Variants in GLDC observed in about 807,000 individuals in gnomAD.
GLDC encodes glycine dehydrogenase (decarboxylating), mitochondrial.
Under a neutral mutation model 121.3 loss-of-function variants are expected in GLDC, and 104 were observed. The ratio of observed to expected loss-of-function variants is 0.86; its 90% CI spans 0.73 to 1.01. GLDC has a LOEUF of 1.01. Ranked by LOEUF, GLDC falls within the 50% of genes least tolerant of loss-of-function variation. The pLI is 0.00. For synonymous variants in GLDC, 546 were observed against 480.6 expected (o/e 1.14, Z -1.78); for missense variants, 1,429 against 1,306.6 (o/e 1.09, Z -1.44).
intron 15 of GLDC, among the ~76,000 whole-genome samples, chr9:6,574,354 C>G (rs564042251): frequency 6.6e-5 from 10 of 151,864 alleles, no homozygotes; most frequent in Admixed American, 5.3e-4. Flanking sequence ...GTAATTCCAG[C>G]TACTTGGGAG....
chr9:6,533,310 T>G, intron 24 of GLDC, 150 bp from the exon 25 acceptor site: 4 of 774,566 alleles, frequency 5.2e-6, no homozygotes, highest in Non-Finnish European at 9.3e-6. Context: ...CATTACCATT[T>G]AAAAAAAAGA....
intron 7 of GLDC, 67 bp downstream of exon 7, chr9:6,604,521 T>C (rs1370232930): frequency 2.9e-6 from 4 of 1,394,822 alleles, no homozygotes; most frequent in South Asian, 1.2e-5. Flanking sequence ...GAAATCAACA[T>C]TTGTGATCAG....
At chr9:6,612,905 T>A (rs555746027) in intron 3 of GLDC, among the ~76,000 whole-genome samples, 1 of 152,030 alleles carries the variant, frequency 6.6e-6, no homozygotes, top group Non-Finnish European at 1.5e-5. Flanking sequence ...AGTTTGAGGC[T>A]GCAATGAGCC....
Position 6,532,849 on chromosome 9 carries a change from G to T in GLDC, c.*168C>A. 1.5e-6 allele frequency: 1 copy of T among 674,118 alleles called. No individual in the cohort carries two copies. Among genetic ancestry groups the T allele is most frequent in the East Asian group, 2.6e-5 (1 of 38,984 alleles). The allele number at this position is 674,118 out of a possible 1,614,324, so 41.8% of individuals were successfully genotyped here. A position where few individuals can be genotyped will look rare whatever the true frequency, so the allele number is the denominator to read the frequency against. On this transcript the variant is annotated 3_prime_UTR_variant, in exon 25 of 25. Coordinates refer to ENST00000321612, the MANE Select transcript of GLDC (RefSeq NM_000170.3). ...AATCCGTCTTCCAACCATCAGCTTC[G>T]ACTCCCTCCAGCTACTGTATTTACA...
intron 21 of GLDC, among the ~76,000 whole-genome samples, chr9:6,543,225 T>G (rs979990722): frequency 6.6e-6 from 1 of 151,962 alleles, no homozygotes; most frequent in Non-Finnish European, 1.5e-5. Context: ...CAATGAGCTA[T>G]GATAATGTGA....
chr9:6,578,055 C>G lies in GLDC; in HGVS notation c.1850+9086G>C, dbSNP rs144833117. 2.1e-3 allele frequency among the ~76,000 whole-genome samples: 323 copies of G among 152,064 alleles called. 2 individuals carry two copies. Among genetic ancestry groups the G allele is most frequent in the African/African-American group, 7.5e-3 (313 of 41,472 alleles). On this transcript the variant is annotated intron_variant, in intron 15 of 24. Coordinates refer to ENST00000321612, the MANE Select transcript of GLDC (RefSeq NM_000170.3). ...TCGGCCTCTCGAGTAGCTGGGACTA[C>G]AGAAACACGCCACTGTGCCCAGCTA... is the stretch of plus-strand genomic sequence containing the variant.
At chr9:6,590,304 A>G (rs528706347) in intron 11 of GLDC, among the ~76,000 whole-genome samples, 5 of 152,214 alleles carry the variant, frequency 3.3e-5, no homozygotes, top group African/African-American at 1.2e-4. Flanking sequence ...CAGAATATAT[A>G]ATCAATACAT....
intron 22 of GLDC, among the ~76,000 whole-genome samples, chr9:6,537,439 A>G (rs1364461727): frequency 6.6e-6 from 1 of 152,138 alleles, no homozygotes; most frequent in African/African-American, 2.4e-5. Flanking sequence ...GAGTACTTTA[A>G]AGTAACATCT....
At chr9:6,604,516 C>A in intron 7 of GLDC, 72 bp downstream of exon 7, 1 of 1,363,008 alleles carries the variant, frequency 7.3e-7, no homozygotes, top group Non-Finnish European at 1.0e-6. Context: ...AGATAGAAAT[C>A]AACATTTGTG....
chr9:6,615,317 G>A lies in GLDC; in HGVS notation c.470+4867C>T, dbSNP rs563135711. ...TTTTAAGACTCAGTATACAGGCCAG[G>A]TGTGGTGGCTCACACCTGTCAGCAC... On this transcript the variant is annotated intron_variant, in intron 3 of 24. Transcript: ENST00000321612. Among the ~76,000 whole-genome samples, 8 of 152,118 alleles carry A rather than the reference G, an allele frequency of 5.3e-5. No individual in the cohort carries two copies. The South Asian group carries it at 1.5e-3, about 28-fold the overall frequency.
In GLDC at chr9:6,558,672, G is replaced by T; in HGVS notation, c.1939C>A (p.Pro647Thr). The T allele has an allele frequency of 6.2e-7, 1 of 1,614,180 alleles. No homozygotes were observed. The highest frequency in any genetic ancestry group is 8.5e-7 in the Non-Finnish European group (1 of 1,180,032). Residue 647 changes from proline to threonine, a missense_variant, in exon 17 of 25, where the codon CCG (proline) becomes ACG (threonine). Coordinates refer to ENST00000321612, the MANE Select transcript of GLDC (RefSeq NM_000170.3). ...GEGHRTVCLI[P>T]KSAHGTNPAS... Reference sequence around the variant, plus strand: ...GGGTTGGTCCCATGTGCTGATTTCGGAATGAGGCAAACCTACAGAATAGAA... The same window carrying T: ...GGGTTGGTCCCATGTGCTGATTTCGTAATGAGGCAAACCTACAGAATAGAA...
chr9:6,638,572 A>G (rs1273262760), intron 2 of GLDC, among the ~76,000 whole-genome samples: 3 of 152,072 alleles, frequency 2.0e-5, no homozygotes, highest in Non-Finnish European at 4.4e-5. Flanking sequence ...CTGTCTTTCC[A>G]TCCCATTTCA....
At chr9:6,555,687 G>A (rs576049257) in intron 18 of GLDC, among the ~76,000 whole-genome samples, 1 of 152,254 alleles carries the variant, frequency 6.6e-6, no homozygotes, top group South Asian at 2.1e-4. Context: ...AGCTACTCGG[G>A]AGGCTGAGGC....
intron 15 of GLDC, among the ~76,000 whole-genome samples, chr9:6,575,459 T>C (rs62568993): frequency 6.6e-6 from 1 of 152,118 alleles, no homozygotes; most frequent in South Asian, 2.1e-4. Context: ...TCTGGGGCCC[T>C]ACTCCAGACT....
At chr9:6,624,225 A>G (rs1037444408) in intron 2 of GLDC, among the ~76,000 whole-genome samples, 1 of 152,206 alleles carries the variant, frequency 6.6e-6, no homozygotes, top group Non-Finnish European at 1.5e-5. Context: ...CCCAAAAATG[A>G]TGCTTTGAAA....
intron 2 of GLDC, among the ~76,000 whole-genome samples, chr9:6,631,240 C>T (rs1294855011): frequency 6.6e-6 from 1 of 152,210 alleles, no homozygotes; most frequent in Non-Finnish European, 1.5e-5. Flanking sequence ...GGGGTTACCG[C>T]TCTCCTCAGG....
intron 3 of GLDC, among the ~76,000 whole-genome samples, chr9:6,615,762 C>T (rs769763611): frequency 1.3e-5 from 2 of 152,024 alleles, no homozygotes; most frequent in African/African-American, 2.4e-5. Context: ...AGGTGCCTAT[C>T]ACTAGGCCTG....
chr9:6,643,302 C>T (rs1587988818), intron 2 of GLDC, among the ~76,000 whole-genome samples: 1 of 151,852 alleles, frequency 6.6e-6, no homozygotes, highest in South Asian at 2.1e-4. Flanking sequence ...CAACGACCAT[C>T]AGATTTGAAA....
chr9:6,584,540 C>A (rs1422696639), intron 15 of GLDC, among the ~76,000 whole-genome samples: 1 of 151,722 alleles, frequency 6.6e-6, no homozygotes, highest in Admixed American at 6.6e-5. Context: ...AGGATTGAAA[C>A]AAGGTTAAAA....
Sources: gnomAD v4.1 joint callset for allele counts (sites outside exome capture counted in the v4.1 genomes callset) on GRCh38, gnomAD v4.1.1 for gene constraint, MANE v1.5 for transcripts, NCBI Gene and HGNC (gene_info 2026-07-23, HGNC 2026-07-21) for gene names.